Variants in SMOC1 observed in about 807,000 individuals in gnomAD.
SMOC1 encodes SPARC related modular calcium binding 1, also known as SPARC-related modular calcium-binding protein 1.
Under a neutral mutation model 56.3 loss-of-function variants are expected in SMOC1, and 22 were observed. The ratio of observed to expected loss-of-function variants is 0.39; its 90% confidence interval spans 0.28 to 0.56. The LOEUF is 0.56. SMOC1 is among the 20% of genes least tolerant of loss of function. The probability of loss-of-function intolerance (pLI) is 0.61; values close to 1 mark genes in which losing one functional copy is unlikely to be tolerated. For synonymous variants in SMOC1, 193 were observed against 215.0 expected, an observed-to-expected ratio of 0.90 and a Z score of 0.89; for missense variants, 509 against 565.4, an observed-to-expected ratio of 0.90 and a Z score of 1.01.
chr14:69,957,060 G>C (rs1363161137), intron 3 of SMOC1, among the ~76,000 whole-genome samples: 2 of 152,178 alleles, frequency 1.3e-5, no homozygotes, highest in African/African-American at 4.8e-5. Flanking sequence ...GGAGCTATAG[G>C]CTTTGTCCTT....
At chr14:69,920,191 A>G (rs761018517) in intron 1 of SMOC1, among the ~76,000 whole-genome samples, 1 of 152,180 alleles carries the variant, frequency 6.6e-6, no homozygotes, top group Non-Finnish European at 1.5e-5. Context: ...AAAAGCTTAG[A>G]GCCCCTTCTA....
chr14:69,908,672 G>C (rs909409849), intron 1 of SMOC1, among the ~76,000 whole-genome samples: 1 of 152,210 alleles, frequency 6.6e-6, no homozygotes, highest in African/African-American at 2.4e-5. Context: ...CTTGGGATCT[G>C]TGGGTGCCGT....
intron 7 of SMOC1, among the ~76,000 whole-genome samples, chr14:69,999,883 G>T (rs1884904592): frequency 6.6e-6 from 1 of 152,158 alleles, no homozygotes; most frequent in Non-Finnish European, 1.5e-5. Context: ...GTGGGAGGGT[G>T]GAGGGATGTG....
At chr14:69,894,994 C>T (rs986646060) in intron 1 of SMOC1, among the ~76,000 whole-genome samples, 3 of 152,192 alleles carry the variant, frequency 2.0e-5, no homozygotes, top group Non-Finnish European at 4.4e-5. Context: ...GAGCCAGAGC[C>T]AGCTTCTAGA....
intron 1 of SMOC1, among the ~76,000 whole-genome samples, chr14:69,916,879 C>T (rs1884699978): frequency 6.6e-6 from 1 of 152,192 alleles, no homozygotes; most frequent in South Asian, 2.1e-4. Context: ...TGTCCTCCTG[C>T]TGGAATGAAA....
chr14:69,999,961 GTGTGTC>G (rs1884906708), intron 7 of SMOC1, among the ~76,000 whole-genome samples: 1 of 150,134 alleles, frequency 6.7e-6, no homozygotes, highest in South Asian at 2.1e-4. Flanking sequence ...CTGGAGGTGA[GTGTGTC>G]TGCTTTTTAA....
At chr14:69,999,112 C>T (rs573101995) in intron 7 of SMOC1, among the ~76,000 whole-genome samples, 9 of 152,316 alleles carry the variant, frequency 5.9e-5, no homozygotes, top group Admixed American at 3.3e-4. Flanking sequence ...CTGGCCTCCT[C>T]GTGCATGACT....
chr14:69,957,452 C>T (rs1010527591), intron 3 of SMOC1, among the ~76,000 whole-genome samples: 5 of 152,138 alleles, frequency 3.3e-5, no homozygotes, highest in African/African-American at 9.7e-5. Context: ...CTCAAGCCTG[C>T]CTAATATTGA....
At chr14:70,013,726 AT>A (rs1376982065) in intron 10 of SMOC1, among the ~76,000 whole-genome samples, 1 of 152,012 alleles carries the variant, frequency 6.6e-6, no homozygotes, top group African/African-American at 2.4e-5. Context: ...TAGTTACCTG[AT>A]TTATAGGAAA....
At chr14:70,023,690 G>C (rs1885819462) in intron 11 of SMOC1, among the ~76,000 whole-genome samples, 1 of 152,210 alleles carries the variant, frequency 6.6e-6, no homozygotes, top group Admixed American at 6.5e-5. Flanking sequence ...CATGCTGTGA[G>C]AGTGTGCTAG....
chr14:69,955,318 C>T (rs1044904590), intron 3 of SMOC1, among the ~76,000 whole-genome samples: 58 of 152,132 alleles, frequency 3.8e-4, no homozygotes, highest in Non-Finnish European at 2.5e-4. Context: ...CTCCTGGAGC[C>T]GGACACCTGG....
chr14:70,009,540 G>A (rs182430803), intron 7 of SMOC1, among the ~76,000 whole-genome samples: 1 of 152,076 alleles, frequency 6.6e-6, no homozygotes, highest in African/African-American at 2.4e-5. Context: ...TCTTAAGAAG[G>A]GTATTTTTGT....
At chr14:69,897,617 C>T (rs1884133731) in intron 1 of SMOC1, among the ~76,000 whole-genome samples, 1 of 150,528 alleles carries the variant, frequency 6.6e-6, no homozygotes, top group South Asian at 2.1e-4. Context: ...TTGCAATAAA[C>T]ATTTACAGCT....
At chr14:69,976,308 C>T (rs529932264) in intron 4 of SMOC1, among the ~76,000 whole-genome samples, 14 of 152,264 alleles carry the variant, frequency 9.2e-5, no homozygotes, top group Non-Finnish European at 1.6e-4. Context: ...GGAAAATTTT[C>T]GTAACAGTGG....
At chr14:69,994,320 A>C in intron 6 of SMOC1, 80 bp from the exon 7 acceptor site, 1 of 1,105,902 alleles carries the variant, frequency 9.0e-7, no homozygotes, top group Non-Finnish European at 1.4e-6. Context: ...AAAAATGACT[A>C]TTAAGAAGTC....
chr14:69,900,852 C>T (rs1449446731), intron 1 of SMOC1, among the ~76,000 whole-genome samples: 1 of 152,248 alleles, frequency 6.6e-6, no homozygotes, highest in African/African-American at 2.4e-5. Context: ...GGCCACATGC[C>T]ACAATGGCCT....
intron 5 of SMOC1, among the ~76,000 whole-genome samples, chr14:69,978,779 C>T (rs1884069151): frequency 6.6e-6 from 1 of 152,068 alleles, no homozygotes; most frequent in Admixed American, 6.6e-5. Context: ...ATGAAAGGCC[C>T]TGCATTTTTA....
intron 3 of SMOC1, among the ~76,000 whole-genome samples, chr14:69,956,581 C>T (rs1883195967): frequency 6.6e-6 from 1 of 151,786 alleles, no homozygotes; most frequent in African/African-American, 2.4e-5. Context: ...TACACAGTAA[C>T]CCTCTCTTGA....
chr14:69,939,826 A>C (rs1882479632), intron 1 of SMOC1, among the ~76,000 whole-genome samples: 1 of 152,210 alleles, frequency 6.6e-6, no homozygotes, highest in African/African-American at 2.4e-5. Context: ...AATAAGTTAT[A>C]ATTTCCTCTT....
Sources: gnomAD v4.1 joint callset for allele counts (sites outside exome capture counted in the v4.1 genomes callset) on GRCh38, gnomAD v4.1.1 for gene constraint, MANE v1.5 for transcripts, NCBI Gene and HGNC (gene_info 2026-07-23, HGNC 2026-07-21) for gene names.